DMD: variants seen among roughly 807,000 people sequenced by gnomAD.
The protein encoded by DMD is mutant dystrophin.
In DMD, 63 loss-of-function variants were observed where a neutral mutation model predicts 330.1. The observed-to-expected ratio is 0.19, with a 90% CI of 0.16 to 0.24. The LOEUF is 0.24. Among genes scored for constraint, DMD ranks in the 10% least tolerant of loss-of-function variants. The pLI is 1.00. For missense variants in DMD, 3,344 were observed against 2,684.1 expected, an observed-to-expected ratio of 1.25 and a Z score of -5.43; for synonymous variants, 1,223 against 959.8, an observed-to-expected ratio of 1.27 and a Z score of -5.07.
At chrX:32,153,756 C>G (rs922094654) in intron 44 of DMD, among the ~76,000 whole-genome samples, 4 of 111,405 alleles carry the variant, frequency 3.6e-5, no homozygotes, top group African/African-American at 1.3e-4. Flanking sequence ...TATAGCTTTA[C>G]GAATGGGCCA....
chrX:31,912,004 T>C (rs1046129817), intron 47 of DMD, among the ~76,000 whole-genome samples: 1 of 111,430 alleles, frequency 9.0e-6, no homozygotes, highest in African/African-American at 3.3e-5. Context: ...AACCATTTCT[T>C]GATCGGATTG....
chrX:32,541,938 A>G (rs369875299), intron 17 of DMD, among the ~76,000 whole-genome samples: 5 of 112,036 alleles, frequency 4.5e-5, no homozygotes, highest in East Asian at 2.8e-4. Context: ...TGTGCAATGT[A>G]TAAGTAGGTA....
chrX:33,210,139 G>T (rs1250013671), intron 1 of DMD, among the ~76,000 whole-genome samples: 1 of 110,700 alleles, frequency 9.0e-6, no homozygotes, highest in Non-Finnish European at 1.9e-5. Context: ...AGTAAATATT[G>T]TATTATAAAG....
chrX:32,178,552 A>T (rs909022417), intron 44 of DMD, among the ~76,000 whole-genome samples: 2 of 109,289 alleles, frequency 1.8e-5, no homozygotes, highest in African/African-American at 6.8e-5. Context: ...GATGTATATT[A>T]TATCTTTTAA....
At chrX:32,913,004 ATTTTTGTTTTTG>A (rs201468237) in intron 2 of DMD, among the ~76,000 whole-genome samples, 2 of 112,153 alleles carry the variant, frequency 1.8e-5, no homozygotes, top group Non-Finnish European at 3.8e-5. Context: ...AATTAAGTTT[ATTTTTGTTTTTG>A]TTTTTGTTTT....
In DMD at chrX:32,824,023, C is replaced by T. The variant is rs1464361439; in HGVS notation, c.265-636G>A. On this transcript the variant is annotated intron_variant, in intron 4 of 78. Transcript: ENST00000357033. The stretch of plus-strand genomic sequence containing the variant: ...ATGAAAAGATGTTCAATGTTTTTAG[C>T]CAATAGAGGAATGCAAATTGTAACC... 6.3e-4 allele frequency among the ~76,000 whole-genome samples: 70 copies of T among 111,626 alleles called. No individual in the cohort carries two copies. The Admixed American group carries it at 6.7e-3, about 11-fold the overall frequency.
At chrX:32,208,982 A>G (rs2097082738) in intron 44 of DMD, among the ~76,000 whole-genome samples, 1 of 111,858 alleles carries the variant, frequency 8.9e-6, no homozygotes, top group Admixed American at 9.5e-5. Flanking sequence ...TGTCTCAGGT[A>G]ATACAATAAA....
intron 51 of DMD, among the ~76,000 whole-genome samples, chrX:31,744,258 A>C (rs749060271): frequency 5.4e-5 from 6 of 111,490 alleles, no homozygotes; most frequent in African/African-American, 2.0e-4. Flanking sequence ...ATCATAACAA[A>C]TATAATAATA....
chrX:32,720,298 T>G (rs764245267), intron 7 of DMD, among the ~76,000 whole-genome samples: 2 of 111,636 alleles, frequency 1.8e-5, no homozygotes, highest in Non-Finnish European at 3.8e-5. Flanking sequence ...TGGCTCATTT[T>G]GCACCCATTA....
intron 2 of DMD, among the ~76,000 whole-genome samples, chrX:32,964,196 C>A (rs1640958602): frequency 1.1e-5 from 1 of 93,942 alleles, no homozygotes; most frequent in Non-Finnish European, 2.0e-5. Flanking sequence ...GTGGAGGTTG[C>A]AAGTGAGCCA....
intron 2 of DMD, among the ~76,000 whole-genome samples, chrX:32,946,340 C>T (rs1006138186): frequency 2.7e-5 from 3 of 110,802 alleles, no homozygotes; most frequent in African/African-American, 9.8e-5. Flanking sequence ...TTTTTCTCTC[C>T]TGTTACAAAA....
intron 44 of DMD, among the ~76,000 whole-genome samples, chrX:32,084,096 G>A (rs183770272): frequency 2.0e-3 from 222 of 111,483 alleles, no homozygotes; most frequent in Non-Finnish European, 3.7e-3. Context: ...TATTTAAAAT[G>A]AACTTTAAAT....
chrX:31,568,522 TCAC>T (rs1372530191), intron 55 of DMD, among the ~76,000 whole-genome samples: 2 of 111,899 alleles, frequency 1.8e-5, no homozygotes, highest in Non-Finnish European at 3.8e-5. Context: ...TCCCTGTTTG[TCAC>T]TAGTAATTTT....
chrX:31,981,222 T>A, intron 44 of DMD, among the ~76,000 whole-genome samples: 1 of 111,612 alleles, frequency 9.0e-6, no homozygotes, highest in East Asian at 2.8e-4. Context: ...CACGTGTGTA[T>A]GTGGGGGTGT....
chrX:32,550,271 A>G (rs924612202), intron 16 of DMD, among the ~76,000 whole-genome samples: 3 of 112,047 alleles, frequency 2.7e-5, no homozygotes, highest in Non-Finnish European at 5.6e-5. Context: ...AAAACCCACA[A>G]AATTATACCA....
chrX:31,613,302 T>C lies in DMD; in HGVS notation c.8217+14371A>G, dbSNP rs147259076. On this transcript the variant is annotated intron_variant, in intron 55 of 78. Coordinates refer to ENST00000357033, the MANE Select transcript of DMD (RefSeq NM_004006.3). ...GGGCAGGCCTTGAGAAGCTTGCAGC[T>C]TTAATTTCTTGTCCCTTAGGATAAT... 4.0e-3 allele frequency among the ~76,000 whole-genome samples: 445 copies of C among 111,848 alleles called. 1 individual carries two copies. Among genetic ancestry groups the C allele is most frequent in the African/African-American group, 0.013 (389 of 30,843 alleles).
intron 38 of DMD, among the ~76,000 whole-genome samples, chrX:32,346,702 T>C (rs1216166424): frequency 2.7e-5 from 3 of 111,910 alleles, no homozygotes; most frequent in African/African-American, 9.7e-5. Flanking sequence ...CATGTTAATT[T>C]AAATACGATC....
chrX:32,528,165 C>T (rs1271472726), intron 17 of DMD, among the ~76,000 whole-genome samples: 1 of 110,773 alleles, frequency 9.0e-6, no homozygotes, highest in East Asian at 2.8e-4. Context: ...AAAAATTAGC[C>T]AGCTGTGGTG....
At chrX:31,519,713 G>T (rs1040474910) in intron 55 of DMD, among the ~76,000 whole-genome samples, 3 of 111,845 alleles carry the variant, frequency 2.7e-5, no homozygotes, top group Non-Finnish European at 5.6e-5. Context: ...TCATTTGTGG[G>T]TACTCTTTAG....
Sources: allele counts gnomAD v4.1 joint callset (sites outside exome capture counted in the v4.1 genomes callset), GRCh38; gene constraint gnomAD v4.1.1; transcripts MANE v1.5; gene names NCBI Gene and HGNC (gene_info 2026-07-23, HGNC 2026-07-21).